Variants in ARHGAP22 observed in about 807,000 individuals in gnomAD.
ARHGAP22 encodes Rho GTPase activating protein 22.
Under a neutral mutation model 59.1 loss-of-function variants are expected in ARHGAP22, and 48 were observed. The ratio of observed to expected loss-of-function variants is 0.81; its 90% CI spans 0.64 to 1.03. ARHGAP22 has a LOEUF of 1.03. ARHGAP22 is among the 50% of genes least tolerant of loss of function. The pLI, the probability that ARHGAP22 is intolerant of heterozygous loss-of-function variation, is 0.00. For synonymous variants in ARHGAP22, 445 were observed against 416.4 expected, an observed-to-expected ratio of 1.07 and a Z score of -0.84; for missense variants, 1,015 against 958.7, an observed-to-expected ratio of 1.06 and a Z score of -0.78.
intron 4 of ARHGAP22, among the ~76,000 whole-genome samples, chr10:48,476,472 C>T (rs1443529126): frequency 6.6e-6 from 1 of 152,236 alleles, no homozygotes; most frequent in Non-Finnish European, 1.5e-5. Flanking sequence ...ATCCTCTAAG[C>T]CTCCTTCCCA....
chr10:48,587,381 T>C (rs2059493901), intron 1 of ARHGAP22, among the ~76,000 whole-genome samples: 1 of 152,188 alleles, frequency 6.6e-6, no homozygotes, highest in Admixed American at 6.5e-5. Flanking sequence ...GCCCCTTTGA[T>C]TACTGAGTTT....
chr10:48,493,604 C>A, intron 3 of ARHGAP22: 1 of 1,472,836 alleles, frequency 6.8e-7, no homozygotes, highest in South Asian at 1.4e-5. Flanking sequence ...TGCGGCCACT[C>A]GGCTGCCTGT....
chr10:48,585,862 C>T (rs1359864496), intron 1 of ARHGAP22, among the ~76,000 whole-genome samples: 1 of 152,136 alleles, frequency 6.6e-6, no homozygotes, highest in African/African-American at 2.4e-5. Flanking sequence ...TTGGTGATTC[C>T]TCAGGACAGT....
chr10:48,451,417 TG>T, intron 8 of ARHGAP22: 1 of 704,454 alleles, frequency 1.4e-6, no homozygotes, highest in East Asian at 2.7e-5. Context: ...CCAGCTGGGG[TG>T]GGGTGAGGAA....
chr10:48,583,002 C>G lies in ARHGAP22; in HGVS notation c.185G>C (p.Arg62Pro), dbSNP rs761587623. 4 of 1,614,264 alleles carry G rather than the reference C, an allele frequency of 2.5e-6. No homozygotes were observed. The highest frequency in any genetic ancestry group is 4.5e-5 in the East Asian group (2 of 44,886). Residue 62 changes from arginine to proline, a missense_variant, in exon 2 of 10, where the codon CGT becomes CCT. Arg to Pro is a moderately radical substitution (Grantham distance 103). Coordinates refer to ENST00000249601, the MANE Select transcript of ARHGAP22 (RefSeq NM_021226.4). The part of the protein sequence containing the change: ...KNWQQRWFVL[R>P]GDQLFYYKDK... ...CTTGTAGTAGAAAAGCTGATCCCCA[C>G]GCAGCACAAACCAGCGCTGCTGCCA...
At chr10:48,534,099 A>G (rs1318419266) in intron 3 of ARHGAP22, among the ~76,000 whole-genome samples, 2 of 152,202 alleles carry the variant, frequency 1.3e-5, no homozygotes, top group African/African-American at 2.4e-5. Flanking sequence ...GTAGGGGCAG[A>G]GCTCTAGAAG....
At chr10:48,587,070 G>A (rs930504235) in intron 1 of ARHGAP22, among the ~76,000 whole-genome samples, 8 of 152,348 alleles carry the variant, frequency 5.3e-5, no homozygotes, top group African/African-American at 1.9e-4. Flanking sequence ...GGAGGACACA[G>A]ACTTGGAAGA....
At chr10:48,542,122 A>G (rs1366964298) in intron 3 of ARHGAP22, among the ~76,000 whole-genome samples, 2 of 152,172 alleles carry the variant, frequency 1.3e-5, no homozygotes, top group Non-Finnish European at 2.9e-5. Flanking sequence ...GATGAGGACC[A>G]TGATAAGATG....
chr10:48,568,090 C>T (rs2058161786), intron 2 of ARHGAP22, among the ~76,000 whole-genome samples: 1 of 152,158 alleles, frequency 6.6e-6, no homozygotes, highest in Admixed American at 6.5e-5. Flanking sequence ...AAGGAGAGGT[C>T]AGTCTCATCT....
intron 4 of ARHGAP22, among the ~76,000 whole-genome samples, chr10:48,472,515 C>T (rs2048325496): frequency 1.3e-5 from 2 of 151,252 alleles, no homozygotes; most frequent in African/African-American, 4.9e-5. Context: ...CAGAGCGAGA[C>T]TCTGTCTCAA....
Position 48,480,949 on chromosome 10 carries a change from G to A in ARHGAP22, c.323-1185C>T, listed in dbSNP as rs114968965. ...TGCTCTGAGGGCTGAGGCAGAGGGT[G>A]GGGCTGTGTCCTGGCTGAGGGCACC... On this transcript the variant is annotated intron_variant, in intron 3 of 9. Coordinates refer to ENST00000249601, the MANE Select transcript of ARHGAP22 (RefSeq NM_021226.4). Among the ~76,000 whole-genome samples, 404 of 152,364 alleles carry A rather than the reference G, an allele frequency of 2.7e-3. 1 individual carries two copies. The highest frequency in any genetic ancestry group is 8.5e-3 in the African/African-American group (352 of 41,586).
At chr10:48,586,499 G>A (rs1392864310) in intron 1 of ARHGAP22, among the ~76,000 whole-genome samples, 1 of 152,152 alleles carries the variant, frequency 6.6e-6, no homozygotes, top group African/African-American at 2.4e-5. Flanking sequence ...TCCTAAAGCT[G>A]GGCTCCCAGC....
Position 48,451,023 on chromosome 10 carries a change from C to A in ARHGAP22, c.1106G>T (p.Gly369Val). 1.3e-6 allele frequency: 2 copies of A among 1,554,434 alleles called. No homozygotes were observed. The highest frequency in any genetic ancestry group is 1.7e-6 in the Non-Finnish European group (2 of 1,149,216). Reference sequence around the variant, plus strand: ...CCTGGTGACCTCCTCGGAGCCCCACCCCACTGCGCATTGCAGGCCCCCGCG... The same window carrying A: ...CCTGGTGACCTCCTCGGAGCCCCACACCACTGCGCATTGCAGGCCCCCGCG... ...SPRGGLQCAV[G>V]WGSEEVTRDS... The change falls in exon 9 of 10, where the codon GGG becomes GTG. Residue 369 changes from glycine to valine, a missense_variant. Coordinates refer to ENST00000249601, the MANE Select transcript of ARHGAP22 (RefSeq NM_021226.4).
intron 2 of ARHGAP22, among the ~76,000 whole-genome samples, chr10:48,582,294 G>C (rs1406175944): frequency 6.6e-6 from 1 of 152,124 alleles, no homozygotes; most frequent in Non-Finnish European, 1.5e-5. Flanking sequence ...TTCTCTCTCT[G>C]AAACCCATCA....
intron 3 of ARHGAP22, chr10:48,523,982 T>C: frequency 7.2e-7 from 1 of 1,380,662 alleles, no homozygotes; most frequent in Non-Finnish European, 9.5e-7. Flanking sequence ...CCGTGGCGAG[T>C]CCCCGAGGCG....
At chr10:48,537,519 C>G (rs2055480453) in intron 3 of ARHGAP22, among the ~76,000 whole-genome samples, 1 of 152,228 alleles carries the variant, frequency 6.6e-6, no homozygotes, top group South Asian at 2.1e-4. Flanking sequence ...CCTATGCTGA[C>G]TTGACGGGAG....
At chr10:48,592,340 C>T (rs1358218090) in intron 1 of ARHGAP22, among the ~76,000 whole-genome samples, 1 of 152,170 alleles carries the variant, frequency 6.6e-6, no homozygotes, top group Non-Finnish European at 1.5e-5. Context: ...TTCAGTCAGG[C>T]TTCCCCAACA....
chr10:48,504,903 G>A (rs2051927632), intron 3 of ARHGAP22, among the ~76,000 whole-genome samples: 1 of 152,116 alleles, frequency 6.6e-6, no homozygotes. Flanking sequence ...CGGTAGTGAT[G>A]AATTGAGAGG....
At chr10:48,451,228 T>C (rs1589418924) in intron 8 of ARHGAP22, 88 bp from the exon 9 acceptor site, 2 of 1,524,120 alleles carry the variant, frequency 1.3e-6, no homozygotes, top group South Asian at 2.4e-5. Flanking sequence ...TGCAGCTTCG[T>C]GGGAGCTGGC....
Sources: allele counts gnomAD v4.1 joint callset (sites outside exome capture counted in the v4.1 genomes callset), GRCh38; gene constraint gnomAD v4.1.1; transcripts MANE v1.5; gene names NCBI Gene and HGNC (gene_info 2026-07-23, HGNC 2026-07-21).